ANO2: variants seen among roughly 807,000 people sequenced by gnomAD.
ANO2 encodes anoctamin 2, also known as anoctamin-2.
In ANO2, 101 loss-of-function variants were observed where a neutral mutation model predicts 124.2. The observed-to-expected ratio is 0.81, with a 90% CI of 0.69 to 0.96. The LOEUF is 0.96. Ranked by LOEUF, ANO2 falls within the 40% of genes least tolerant of loss-of-function variation. The pLI is 0.00. For synonymous variants in ANO2, 486 were observed against 482.5 expected (o/e 1.01, Z -0.09); for missense variants, 1,293 against 1,274.5 (o/e 1.01, Z -0.22).
At chr12:5,576,856 T>C (rs747475629) in intron 22 of ANO2, among the ~76,000 whole-genome samples, 2 of 152,248 alleles carry the variant, frequency 1.3e-5, no homozygotes, top group East Asian at 1.9e-4. Context: ...AGAACCATAT[T>C]TGAGAGTGAA....
At chr12:5,578,231 G>A in intron 21 of ANO2, 135 bp downstream of exon 21, 1 of 1,330,008 alleles carries the variant, frequency 7.5e-7, no homozygotes, top group Non-Finnish European at 1.0e-6. Context: ...TGCACTTCAG[G>A]ATATGAGGAT....
chr12:5,783,072 C>T (rs1380793622), intron 10 of ANO2, among the ~76,000 whole-genome samples: 1 of 152,190 alleles, frequency 6.6e-6, no homozygotes, highest in African/African-American at 2.4e-5. Context: ...TTCTTTACTT[C>T]AGTGTGAGAC....
At chr12:5,838,443 G>A (rs553717998) in intron 4 of ANO2, among the ~76,000 whole-genome samples, 2 of 152,190 alleles carry the variant, frequency 1.3e-5, no homozygotes, top group African/African-American at 4.8e-5. Flanking sequence ...CAGACTTCAG[G>A]GACTCTGTCG....
chr12:5,744,169 T>G lies in ANO2; in HGVS notation c.1339A>C (p.Met447Leu). ...GATGGCCACATACCCCACAGAGCCA[T>G]GAAGATAGAGAAGAAGACGGTGGCA... The part of the protein sequence containing the change: ...NPATVFFSIF[M>L]ALWATMFLEN... Residue 447 changes from methionine (M) to leucine (L), a missense_variant, in exon 12 of 25, where the codon ATG becomes CTG. Transcript: ENST00000682330. 1 of 1,613,034 alleles carries G rather than the reference T, an allele frequency of 6.2e-7. No individual in the cohort carries two copies. The highest frequency in any genetic ancestry group is 8.5e-7 in the Non-Finnish European group (1 of 1,179,820).
chr12:5,776,773 ACTT>A (rs1468098643), intron 10 of ANO2, among the ~76,000 whole-genome samples: 1 of 152,136 alleles, frequency 6.6e-6, no homozygotes, highest in Non-Finnish European at 1.5e-5. Context: ...GGTCTCACTG[ACTT>A]CTTCTCATTG....
intron 7 of ANO2, among the ~76,000 whole-genome samples, chr12:5,811,869 CA>C: frequency 6.6e-6 from 1 of 152,260 alleles, no homozygotes; most frequent in East Asian, 1.9e-4. Context: ...CTCCCACTTC[CA>C]GGGGTAAATA....
rs1243195541 is a variant in ANO2, at chr12:5,929,374, TC to T, written c.23-6571del. ...TCTGCCTTCTTTCCTTATTAGTCACTCTCTTACCAGTCTTCCTTCCTTACTA... is the reference window on the plus strand; with the variant it reads ...TCTGCCTTCTTTCCTTATTAGTCACTTCTTACCAGTCTTCCTTCCTTACTA... On this transcript the variant is annotated intron_variant, in intron 1 of 24. Coordinates refer to ENST00000682330, the MANE Select transcript of ANO2 (RefSeq NM_001364791.2). 7.8e-3 allele frequency among the ~76,000 whole-genome samples: 554 copies of T among 70,792 alleles called. 240 individuals are homozygous for T. The highest frequency in any genetic ancestry group is 0.043 in the East Asian group (63 of 1,456). The allele number at this position is 70,792 out of a possible 152,430, so 46.4% of individuals were successfully genotyped here.
chr12:5,831,016 GTCATC>G (rs1208554902), intron 5 of ANO2, among the ~76,000 whole-genome samples: 1 of 152,200 alleles, frequency 6.6e-6, no homozygotes, highest in Non-Finnish European at 1.5e-5. Context: ...TAATGTCACT[GTCATC>G]TCATCCATTA....
intron 1 of ANO2, among the ~76,000 whole-genome samples, chr12:5,939,755 C>T (rs1942819659): frequency 6.6e-6 from 1 of 152,164 alleles, no homozygotes; most frequent in Non-Finnish European, 1.5e-5. Context: ...CCAGAAGTAG[C>T]ACATGTCACT....
At chr12:5,581,388 T>G (rs1942750834) in intron 20 of ANO2, among the ~76,000 whole-genome samples, 3 of 152,170 alleles carry the variant, frequency 2.0e-5, no homozygotes, top group Non-Finnish European at 2.9e-5. Context: ...GGATTGCAAA[T>G]GTACACAGCA....
chr12:5,811,007 C>T (rs1953371435), intron 7 of ANO2, among the ~76,000 whole-genome samples: 1 of 152,218 alleles, frequency 6.6e-6, no homozygotes, highest in Admixed American at 6.5e-5. Context: ...GTTTCCTGGA[C>T]ACAAAGGAAC....
intron 1 of ANO2, among the ~76,000 whole-genome samples, chr12:5,928,460 T>C (rs28711520): frequency 0.2 from 16,573 of 81,940 alleles, 5,632 homozygotes; most frequent in East Asian, 0.73. Context: ...CGTAGTCTAC[T>C]TTCCTTCGTC....
chr12:5,922,448 A>G (rs1254398358), intron 2 of ANO2, among the ~76,000 whole-genome samples, 172 bp downstream of exon 2: 5 of 152,228 alleles, frequency 3.3e-5, no homozygotes, highest in Non-Finnish European at 7.3e-5. Flanking sequence ...GGGCACTGGG[A>G]AAGTGTGCCT....
intron 16 of ANO2, among the ~76,000 whole-genome samples, chr12:5,616,312 TC>T (rs1439730886): frequency 6.6e-6 from 1 of 152,162 alleles, no homozygotes; most frequent in African/African-American, 2.4e-5. Context: ...GACAGCACCT[TC>T]TCACTGTCCT....
chr12:5,578,157 GC>G (rs772993558), intron 21 of ANO2, 150 bp from the exon 22 acceptor site: 23 of 1,235,216 alleles, frequency 1.9e-5, no homozygotes, highest in East Asian at 4.8e-5. Flanking sequence ...GGCTTAGGTA[GC>G]CCCCCCATCT....
intron 14 of ANO2, among the ~76,000 whole-genome samples, chr12:5,661,214 C>T (rs1376380642): frequency 1.3e-5 from 2 of 152,140 alleles, no homozygotes; most frequent in African/African-American, 4.8e-5. Flanking sequence ...CTTCCTGTCC[C>T]TTTGGGTCAC....
At chr12:5,597,167 G>C (rs1943703791) in intron 20 of ANO2, among the ~76,000 whole-genome samples, 2 of 151,974 alleles carry the variant, frequency 1.3e-5, no homozygotes, top group South Asian at 4.2e-4. Flanking sequence ...TGTGTCATGG[G>C]GGTTTGTTGT....
intron 3 of ANO2, among the ~76,000 whole-genome samples, chr12:5,868,049 A>C (rs1320776067): frequency 6.6e-6 from 1 of 152,186 alleles, no homozygotes; most frequent in Non-Finnish European, 1.5e-5. Context: ...ATTTTAAAAT[A>C]ACTAAAAGAG....
intron 23 of ANO2, among the ~76,000 whole-genome samples, chr12:5,566,171 C>T (rs182616059): frequency 6.6e-6 from 1 of 152,342 alleles, no homozygotes; most frequent in African/African-American, 2.4e-5. Flanking sequence ...GGCCTTGCTT[C>T]ATGGCTGCAT....
Sources: allele counts gnomAD v4.1 joint callset (sites outside exome capture counted in the v4.1 genomes callset), GRCh38; gene constraint gnomAD v4.1.1; transcripts MANE v1.5; gene names NCBI Gene and HGNC (gene_info 2026-07-23, HGNC 2026-07-21).